Variants in MADD observed in about 807,000 individuals in gnomAD.
The protein encoded by MADD is MAP kinase activating death domain, also known as MAP kinase-activating death domain protein.
Under a neutral mutation model 176.7 loss-of-function variants are expected in MADD, and 109 were observed. That is an observed-to-expected ratio of 0.62 (90% CI 0.53 to 0.72). The LOEUF (loss-of-function observed/expected upper bound fraction) is 0.72. MADD is among the 30% of genes least tolerant of loss of function. The pLI, the probability that MADD is intolerant of heterozygous loss-of-function variation, is 0.00. For missense variants in MADD, 1,914 were observed against 2,045.5 expected (o/e 0.94, Z 1.24); for synonymous variants, 771 against 771.3 (o/e 1.00, Z 0.01).
chr11:47,327,535 C>G (rs2142494099), intron 31 of MADD: 1 of 985,460 alleles, frequency 1.0e-6, no homozygotes, highest in East Asian at 1.1e-4. Context: ...CAGCTCCTCA[C>G]ACTGCCAGCT....
chr11:47,279,082 A>G lies in MADD; in HGVS notation c.1290+3A>G, dbSNP rs79232885. ...AGCTGAAAAAGCATTTAAAGCAGGT[A>G]GGTGAAGAACGAAGGAAAGAAAGGG... On this transcript the variant is annotated splice_donor_region_variant and intron_variant, in intron 7 of 32. Transcript: ENST00000402192. 1.7e-3 allele frequency: 2,707 copies of G among 1,613,722 alleles called. 43 individuals carry two copies. The African/African-American group carries it at 0.031, about 18-fold the overall frequency.
chr11:47,316,188 T>TATA (rs2092850892), intron 27 of MADD, among the ~76,000 whole-genome samples: 1 of 151,904 alleles, frequency 6.6e-6, no homozygotes, highest in African/African-American at 2.4e-5. Flanking sequence ...CACATATACA[T>TATA]AAAGATATCT....
At chr11:47,311,876 A>T in intron 26 of MADD, 34 bp downstream of exon 29, 3 of 1,388,372 alleles carry the variant, frequency 2.2e-6, no homozygotes, top group Non-Finnish European at 3.1e-6. Context: ...AGGCTTCCCC[A>T]TGGGTCATTT....
At chr11:47,323,903 G>A in intron 28 of MADD, 68 bp downstream of exon 31, 1 of 1,548,868 alleles carries the variant, frequency 6.5e-7, no homozygotes, top group African/African-American at 1.4e-5. Context: ...TTTCTCTTTG[G>A]GAAGTTAAAA....
intron 1 of MADD, among the ~76,000 whole-genome samples, chr11:47,273,594 C>A (rs1438176131): frequency 6.6e-6 from 1 of 152,062 alleles, no homozygotes; most frequent in African/African-American, 2.4e-5. Flanking sequence ...CCTCGGCCTC[C>A]CAGAGTTCTG....
chr11:47,272,751 A>C (rs2045876516), intron 1 of MADD, among the ~76,000 whole-genome samples: 1 of 152,108 alleles, frequency 6.6e-6, no homozygotes, highest in South Asian at 2.1e-4. Flanking sequence ...TTCTCTGAGC[A>C]CGTCTCCCTG....
intron 22 of MADD, among the ~76,000 whole-genome samples, chr11:47,298,730 A>C (rs1310845370): frequency 6.6e-6 from 1 of 152,070 alleles, no homozygotes; most frequent in Non-Finnish European, 1.5e-5. Context: ...TGTACTTTTG[A>C]GGTCTCCATA....
At chr11:47,305,658 AC>A (rs570416872) in intron 22 of MADD, among the ~76,000 whole-genome samples, 140 of 151,982 alleles carry the variant, frequency 9.2e-4, no homozygotes, top group South Asian at 4.2e-3. Flanking sequence ...GGCAGCGAAT[AC>A]CCCAGCGTGG....
chr11:47,321,068 T>C (rs931065481), intron 27 of MADD, among the ~76,000 whole-genome samples: 6 of 152,210 alleles, frequency 3.9e-5, no homozygotes, highest in Non-Finnish European at 8.8e-5. Context: ...CGGTAGATTT[T>C]GCCAAATTGC....
At chr11:47,295,931 A>G in exon 22 of MADD, 1 of 1,614,116 alleles carries the variant, frequency 6.2e-7, no homozygotes, top group Non-Finnish European at 8.5e-7. Flanking sequence ...CTTGGAGCTG[A>G]CAGTGACTTG....
intron 31 of MADD, chr11:47,328,410 C>CA (rs1369751383): frequency 1.5e-5 from 21 of 1,415,374 alleles, no homozygotes; most frequent in Admixed American, 2.9e-5. Flanking sequence ...TCACGGCCAT[C>CA]AAGTAAACGC....
intron 5 of MADD, among the ~76,000 whole-genome samples, chr11:47,277,812 A>G (rs1055032764): frequency 7.9e-5 from 12 of 152,238 alleles, no homozygotes; most frequent in African/African-American, 2.7e-4. Context: ...AGATTTCATC[A>G]TGCTTCTCAG....
At chr11:47,289,159 G>A (rs906449083) in intron 15 of MADD, 132 bp downstream of exon 16, 14 of 920,112 alleles carry the variant, frequency 1.5e-5, no homozygotes, top group East Asian at 2.4e-5. Flanking sequence ...CCCCCGTGAC[G>A]CCCATGCTTG....
Position 47,327,613 on chromosome 11 carries a change from A to G in MADD, c.4612+806A>G, listed in dbSNP as rs566843764. 149 of 984,846 alleles carry G rather than the reference A, an allele frequency of 1.5e-4. 1 individual carries two copies. The highest frequency in any genetic ancestry group is 5.2e-4 in the Middle Eastern group (1 of 1,914). The allele number at this position is 984,846 out of a possible 1,614,324, so 61.0% of individuals were successfully genotyped here. The stretch of plus-strand genomic sequence containing the variant: ...CTCCCCCTTCTCACCGGCTCACTGG[A>G]CTTTCCTCCCCGTGTGTTCCCTTCT... On this transcript the variant is annotated intron_variant, in intron 31 of 32. Coordinates refer to ENST00000402192, the Ensembl canonical transcript of MADD.
chr11:47,305,006 G>T (rs1483482922), intron 22 of MADD, among the ~76,000 whole-genome samples: 2 of 152,208 alleles, frequency 1.3e-5, no homozygotes, highest in African/African-American at 4.8e-5. Flanking sequence ...TTCTTCAGCT[G>T]CATTCAACAT....
At chr11:47,327,323 G>C in intron 31 of MADD, 1 of 988,330 alleles carries the variant, frequency 1.0e-6, no homozygotes. Flanking sequence ...CCGGAAGCTG[G>C]GAGCCAGCGC....
At chr11:47,328,799 G>A in intron 32 of MADD, 95 bp downstream of exon 36, 1 of 1,506,110 alleles carries the variant, frequency 6.6e-7, no homozygotes, top group Non-Finnish European at 9.1e-7. Flanking sequence ...GAGCGCACAG[G>A]GGTGAGTGGG....
At chr11:47,289,153 C>T (rs1449722849) in intron 15 of MADD, 126 bp downstream of exon 16, 9 of 1,016,618 alleles carry the variant, frequency 8.9e-6, no homozygotes, top group East Asian at 7.3e-5. Flanking sequence ...CCCCGTCCCC[C>T]GTGACGCCCA....
At chr11:47,327,155 C>T in intron 31 of MADD, 1 of 1,045,048 alleles carries the variant, frequency 9.6e-7, no homozygotes, top group Admixed American at 4.9e-5. Context: ...CCACTATGTC[C>T]ATGTCACCTG....
Sources: allele counts gnomAD v4.1 joint callset (sites outside exome capture counted in the v4.1 genomes callset), GRCh38; gene constraint gnomAD v4.1.1; transcripts MANE v1.5; gene names NCBI Gene and HGNC (gene_info 2026-07-23, HGNC 2026-07-21).